Variants in CA10 observed in about 807,000 individuals in gnomAD.
CA10 encodes the protein carbonic anhydrase 10 (inactive), also known as carbonic anhydrase-related protein 10.
In CA10, 14 loss-of-function variants were observed where a neutral mutation model predicts 44.2. The ratio of observed to expected loss-of-function variants is 0.32; its 90% CI spans 0.21 to 0.50. The LOEUF (loss-of-function observed/expected upper bound fraction) is 0.50, where lower values mean the gene tolerates loss of function less well. CA10 is among the 20% of genes least tolerant of loss of function. CA10 has a pLI of 0.99. For synonymous variants in CA10, 159 were observed against 141.6 expected (o/e 1.12, Z -0.87); for missense variants, 350 against 409.7 (o/e 0.85, Z 1.26).
chr17:52,108,207 T>TATATAA (rs1555566999), intron 1 of CA10, among the ~76,000 whole-genome samples: 1 of 33,074 alleles, frequency 3.0e-5, no homozygotes, highest in Non-Finnish European at 5.7e-5. Context: ...TATATATATA[T>TATATAA]ATATATATAT....
At chr17:51,731,588 C>A (rs1916721212) in intron 4 of CA10, among the ~76,000 whole-genome samples, 1 of 138,380 alleles carries the variant, frequency 7.2e-6, no homozygotes, top group African/African-American at 2.7e-5. Context: ...CTAAAGTCCG[C>A]ATTTTTAAAA....
chr17:51,791,927 A>C lies in CA10; in HGVS notation c.280-44109T>G, dbSNP rs547172993. Among the ~76,000 whole-genome samples, 11 of 152,322 alleles carry C rather than the reference A, an allele frequency of 7.2e-5. No individual in the cohort carries two copies. The East Asian group carries it at 1.7e-3, about 24-fold the overall frequency. ...CCTATGTAATTCTGATTTGTATTAA[A>C]ATTCTTTATGCGTATTTCTGTTCTA... On this transcript the variant is annotated intron_variant, in intron 3 of 8. Coordinates refer to ENST00000451037, the MANE Select transcript of CA10 (RefSeq NM_020178.5).
chr17:51,727,190 A>T (rs1193291291), intron 4 of CA10, among the ~76,000 whole-genome samples: 1 of 152,136 alleles, frequency 6.6e-6, no homozygotes, highest in Non-Finnish European at 1.5e-5. Flanking sequence ...TTCTGAGGAC[A>T]CCTTTCACAG....
At chr17:52,074,514 T>G (rs764837022) in intron 1 of CA10, among the ~76,000 whole-genome samples, 7 of 152,140 alleles carry the variant, frequency 4.6e-5, no homozygotes, top group Non-Finnish European at 7.3e-5. Context: ...AAACCATAAA[T>G]CCAGCCTTCT....
At chr17:51,672,403 A>G (rs1010271280) in intron 4 of CA10, among the ~76,000 whole-genome samples, 3 of 152,194 alleles carry the variant, frequency 2.0e-5, no homozygotes, top group Non-Finnish European at 4.4e-5. Flanking sequence ...ATTGCAGCTA[A>G]CATTTACTGG....
intron 3 of CA10, among the ~76,000 whole-genome samples, chr17:51,884,161 G>A (rs933666554): frequency 2.0e-5 from 3 of 152,222 alleles, no homozygotes; most frequent in Admixed American, 1.3e-4. Context: ...CTTGGGTCAA[G>A]ACACAGCCAC....
intron 3 of CA10, among the ~76,000 whole-genome samples, chr17:51,786,304 C>T (rs1296490945): frequency 6.6e-6 from 1 of 151,850 alleles, no homozygotes; most frequent in African/African-American, 2.4e-5. Context: ...GTAATCCCAG[C>T]ACTTTGGGAG....
At chr17:51,642,477 G>A (rs1405493277) in intron 6 of CA10, among the ~76,000 whole-genome samples, 1 of 152,112 alleles carries the variant, frequency 6.6e-6, no homozygotes, top group Non-Finnish European at 1.5e-5. Flanking sequence ...TGGGGGTTGG[G>A]GGAAGTAAAG....
At chr17:51,729,700 G>A (rs1486434054) in intron 4 of CA10, among the ~76,000 whole-genome samples, 2 of 152,192 alleles carry the variant, frequency 1.3e-5, no homozygotes, top group Non-Finnish European at 2.9e-5. Context: ...AGAGGCATAT[G>A]CATCATGCCT....
At chr17:52,005,876 A>G (rs539420267) in intron 2 of CA10, among the ~76,000 whole-genome samples, 1 of 151,898 alleles carries the variant, frequency 6.6e-6, no homozygotes, top group South Asian at 2.1e-4. Context: ...TCATGGAAGG[A>G]GAAGAGTGAC....
rs1555589842 is a variant in CA10 at position 51,717,839 on chromosome 17, A to ATATG, written c.465+29793_465+29794insCATA. Among the ~76,000 whole-genome samples the ATATG allele has an allele frequency of 7.0e-5, 2 of 28,440 alleles. 1 individual carries two copies. The highest frequency in any genetic ancestry group is 1.4e-4 in the Non-Finnish European group (2 of 13,980). The allele number at this position is 28,440 out of a possible 152,430, so 18.7% of individuals were successfully genotyped here. ...TATATATATGTGTGTGTATATATAT[A>ATATG]TATATATATATATATATATATATAT... On this transcript the variant is annotated intron_variant, in intron 4 of 8. Transcript: ENST00000451037.
intron 2 of CA10, among the ~76,000 whole-genome samples, chr17:52,062,512 A>G (rs1296783290): frequency 1.3e-5 from 2 of 152,214 alleles, no homozygotes; most frequent in Non-Finnish European, 2.9e-5. Context: ...GCCCCCTCCC[A>G]TCATAGGCCC....
chr17:51,747,528 A>AC, intron 4 of CA10, 105 bp downstream of exon 4: 1 of 898,470 alleles, frequency 1.1e-6, no homozygotes, highest in Admixed American at 2.7e-5. Flanking sequence ...CTCATTTCAT[A>AC]GATTAGAGCG....
intron 3 of CA10, among the ~76,000 whole-genome samples, chr17:51,774,261 C>T (rs79369721): frequency 0.03 from 4,635 of 152,206 alleles, 119 homozygotes; most frequent in South Asian, 0.041. Context: ...ATGTAAGCAC[C>T]AAACTAGAAC....
At chr17:52,073,626 G>A (rs1323538670) in intron 1 of CA10, among the ~76,000 whole-genome samples, 3 of 152,252 alleles carry the variant, frequency 2.0e-5, no homozygotes, top group East Asian at 3.9e-4. Context: ...CTTTAAATTT[G>A]CCCAGCACAA....
chr17:52,093,063 T>C lies in CA10; in HGVS notation c.62-20670A>G, dbSNP rs73987413. Among the ~76,000 whole-genome samples, 168 of 152,240 alleles carry C rather than the reference T, an allele frequency of 1.1e-3. 2 individuals are homozygous for C. Among genetic ancestry groups the C allele is most frequent in the African/African-American group, 3.9e-3 (161 of 41,550 alleles). ...AAAAATTGGTTTTGTTTATATGTTG[T>C]TTCACTTAAAGTCAGTTTCCAAGAA... is the stretch of plus-strand genomic sequence containing the variant. On this transcript the variant is annotated intron_variant, in intron 1 of 8. Coordinates refer to ENST00000451037, the MANE Select transcript of CA10 (RefSeq NM_020178.5).
intron 3 of CA10, among the ~76,000 whole-genome samples, chr17:51,891,810 C>T (rs1213694629): frequency 1.3e-5 from 2 of 152,188 alleles, no homozygotes; most frequent in African/African-American, 4.8e-5. Flanking sequence ...GACTGCTCCT[C>T]TTCCAGCCCC....
At chr17:52,117,364 A>G (rs1473020946) in intron 1 of CA10, among the ~76,000 whole-genome samples, 2 of 152,220 alleles carry the variant, frequency 1.3e-5, no homozygotes, top group African/African-American at 4.8e-5. Flanking sequence ...TTTGTCTTCC[A>G]GCTATACCTG....
Position 51,800,863 on chromosome 17 carries a change from T to C in CA10, c.280-53045A>G, listed in dbSNP as rs551670077. Among the ~76,000 whole-genome samples the C allele has an allele frequency of 6.1e-4, 93 of 152,298 alleles. 1 individual carries two copies. The highest frequency in any genetic ancestry group is 8.8e-4 in the Non-Finnish European group (60 of 68,022). On this transcript the variant is annotated intron_variant, in intron 3 of 8. Transcript: ENST00000451037. Reference sequence around the variant, plus strand: ...AGATATCTTTCCTAGATTAATGGATTTTGGGGGTATCCACCTTTGACTCCC... The same window carrying C: ...AGATATCTTTCCTAGATTAATGGATCTTGGGGGTATCCACCTTTGACTCCC...
Sources: allele counts gnomAD v4.1 joint callset (sites outside exome capture counted in the v4.1 genomes callset), GRCh38; gene constraint gnomAD v4.1.1; transcripts MANE v1.5; gene names NCBI Gene and HGNC (gene_info 2026-07-23, HGNC 2026-07-21).